The following FBXL20 variants were observed in gnomAD, a reference collection of about 807,000 sequenced individuals.
FBXL20 encodes the protein F-box/LRR-repeat protein 20.
A neutral mutation model predicts 64.0 loss-of-function variants in FBXL20; 11 were observed. The ratio of observed to expected loss-of-function variants is 0.17; its 90% CI spans 0.11 to 0.28. The LOEUF is 0.28. Among genes scored for constraint, FBXL20 ranks in the 10% least tolerant of loss-of-function variants. The pLI, the probability that FBXL20 is intolerant of heterozygous loss-of-function variation, is 1.00. For synonymous variants in FBXL20, 184 were observed against 189.0 expected (o/e 0.97, Z 0.22); for missense variants, 303 against 526.2 (o/e 0.58, Z 4.15).
intron 1 of FBXL20, among the ~76,000 whole-genome samples, chr17:39,377,991 G>A (rs73983289): frequency 2.0e-5 from 3 of 151,930 alleles, no homozygotes; most frequent in African/African-American, 7.3e-5. Flanking sequence ...TAGCCTGGGC[G>A]ACAGAGCAAG....
chr17:39,329,262 C>T (rs1236256136), intron 2 of FBXL20, among the ~76,000 whole-genome samples: 2 of 152,102 alleles, frequency 1.3e-5, no homozygotes, highest in East Asian at 1.9e-4. Flanking sequence ...GATATTCTAA[C>T]CCAAATCCAT....
At chr17:39,400,015 G>T (rs556851937) in intron 1 of FBXL20, among the ~76,000 whole-genome samples, 1 of 152,200 alleles carries the variant, frequency 6.6e-6, no homozygotes, top group Non-Finnish European at 1.5e-5. Context: ...CGGTACTACT[G>T]AATACGAAAC....
At chr17:39,387,523 G>A (rs1292697170) in intron 1 of FBXL20, among the ~76,000 whole-genome samples, 1 of 151,076 alleles carries the variant, frequency 6.6e-6, no homozygotes, top group Non-Finnish European at 1.5e-5. Context: ...AGGTGATCTG[G>A]CCGTCTCGGC....
intron 2 of FBXL20, among the ~76,000 whole-genome samples, chr17:39,337,318 T>C (rs1222604685): frequency 6.6e-5 from 10 of 152,018 alleles, no homozygotes; most frequent in Admixed American, 1.3e-4. Context: ...AGTGCAGTGG[T>C]GTGATCTCGG....
intron 6 of FBXL20, among the ~76,000 whole-genome samples, chr17:39,291,264 A>AT (rs958822536): frequency 1.3e-5 from 2 of 151,018 alleles, no homozygotes; most frequent in African/African-American, 2.4e-5. Flanking sequence ...CCGGCCACCT[A>AT]TTTTTTATTT....
intron 1 of FBXL20, among the ~76,000 whole-genome samples, chr17:39,355,858 A>AAAAG (rs1340227839): frequency 5.5e-5 from 8 of 145,764 alleles, no homozygotes; most frequent in East Asian, 2.0e-4. Context: ...TTCGTCTCAA[A>AAAAG]AAAAAAAAAA....
Position 39,401,438 on chromosome 17 carries a change from GC to G in FBXL20, c.-37del, listed in dbSNP as rs1192691338. 5.7e-6 allele frequency: 9 copies of G among 1,569,658 alleles called. No homozygotes were observed. The highest frequency in any genetic ancestry group is 7.8e-6 in the Non-Finnish European group (9 of 1,159,226). ...GGTGCGGCCCGGGCCGGGCGCTGCGGCGAGCGGAGTGCACAGACCGGGGGCC... is the reference window on the plus strand; with the variant it reads ...GGTGCGGCCCGGGCCGGGCGCTGCGGGAGCGGAGTGCACAGACCGGGGGCC... On this transcript the variant is annotated 5_prime_UTR_variant, in exon 1 of 15. Coordinates refer to ENST00000264658, the MANE Select transcript of FBXL20 (RefSeq NM_032875.3).
At chr17:39,278,431 C>T (rs925246558) in intron 9 of FBXL20, among the ~76,000 whole-genome samples, 1 of 151,890 alleles carries the variant, frequency 6.6e-6, no homozygotes, top group African/African-American at 2.4e-5. Flanking sequence ...TAGGCACGCG[C>T]GTGTGTGCAC....
In FBXL20 at chr17:39,297,159, C is replaced by T. The variant is rs1193847740; in HGVS notation, c.366G>A (p.Leu122=). The part of the protein sequence containing the change: ...FAQNCRNIEV[L]NLNGCTKTTD... The stretch of plus-strand genomic sequence containing the variant: ...TTGTCTTTGTACACCCATTTAGATT[C>T]AGTACTTCAATGTTCCTGCAGTTTT... The change falls in exon 6 of 15, where the codon CTG becomes CTA. Residue 122 remains leucine, a synonymous_variant. Transcript: ENST00000264658. The T allele has an allele frequency of 1.2e-6, 2 of 1,610,624 alleles. No homozygotes were observed. Among genetic ancestry groups the T allele is most frequent in the Non-Finnish European group, 1.7e-6 (2 of 1,177,904 alleles).
Position 39,293,141 on chromosome 17 carries a change from A to T in FBXL20, c.398+3986T>A, listed in dbSNP as rs565228983. Reference sequence around the variant, plus strand: ...GAGTGACAGATATTCTGTATGCCACATTGCTGGGTTTCTGGACTTTGATGT... The same window carrying T: ...GAGTGACAGATATTCTGTATGCCACTTTGCTGGGTTTCTGGACTTTGATGT... On this transcript the variant is annotated intron_variant, in intron 6 of 14. Coordinates refer to ENST00000264658, the MANE Select transcript of FBXL20 (RefSeq NM_032875.3). 3.3e-4 allele frequency among the ~76,000 whole-genome samples: 50 copies of T among 151,680 alleles called. No homozygotes were observed. The Middle Eastern group carries it at 0.014, about 42-fold the overall frequency.
intron 10 of FBXL20, 145 bp from the exon 11 acceptor site, chr17:39,271,001 C>T: frequency 1.5e-6 from 1 of 662,228 alleles, no homozygotes; most frequent in Non-Finnish European, 2.5e-6. Flanking sequence ...CTAAGCAAGT[C>T]TGTATACAGA....
intron 1 of FBXL20, among the ~76,000 whole-genome samples, chr17:39,394,606 C>G (rs1446585200): frequency 6.6e-6 from 1 of 151,074 alleles, no homozygotes. Context: ...ATTCTGTCTC[C>G]CAGGCTGAAG....
chr17:39,362,186 A>G (rs1394729278), intron 1 of FBXL20, among the ~76,000 whole-genome samples: 3 of 151,126 alleles, frequency 2.0e-5, no homozygotes, highest in East Asian at 2.0e-4. Context: ...CCAGCTACTC[A>G]GGAGGCTGAG....
At position 39,275,048 on chromosome 17, in the gene FBXL20, TG is replaced by T; in HGVS notation, c.748del (p.Gln250AsnfsTer16). 6.2e-7 allele frequency: 1 copy of T among 1,614,116 alleles called. No individual in the cohort carries two copies. Among genetic ancestry groups the T allele is most frequent in the Non-Finnish European group, 8.5e-7 (1 of 1,180,016 alleles). ...ITICRGCHKL[Q>X]SLCASGCSNI... Reference sequence around the variant, plus strand: ...GGAGCAGCCAGAGGCACAAAGGGATTGTAACTTATGGCACCCTCTGCATATA... The same window carrying T: ...GGAGCAGCCAGAGGCACAAAGGGATTTAACTTATGGCACCCTCTGCATATA... On this transcript the variant is annotated frameshift_variant, in exon 10 of 15. Coordinates refer to ENST00000264658, the MANE Select transcript of FBXL20 (RefSeq NM_032875.3). LOFTEE classifies it high-confidence loss of function.
intron 12 of FBXL20, among the ~76,000 whole-genome samples, chr17:39,267,326 G>A (rs1383955812): frequency 3.3e-5 from 5 of 151,838 alleles, no homozygotes; most frequent in African/African-American, 9.7e-5. Flanking sequence ...CAGTCTGAGC[G>A]ATAACAGCAA....
chr17:39,282,650 C>T (rs1685623306), intron 8 of FBXL20, 79 bp downstream of exon 8: 2 of 1,577,290 alleles, frequency 1.3e-6, no homozygotes, highest in African/African-American at 1.4e-5. Flanking sequence ...TCCAGACAAA[C>T]ATCTTGGGGC....
At chr17:39,275,821 GTGGA>G (rs2046885071) in intron 9 of FBXL20, among the ~76,000 whole-genome samples, 1 of 152,088 alleles carries the variant, frequency 6.6e-6, no homozygotes, top group African/African-American at 2.4e-5. Flanking sequence ...AAATTAAACT[GTGGA>G]TGACAGTTGC....
At chr17:39,354,387 T>C (rs560871308) in intron 1 of FBXL20, among the ~76,000 whole-genome samples, 9 of 152,332 alleles carry the variant, frequency 5.9e-5, no homozygotes, top group African/African-American at 2.2e-4. Flanking sequence ...TCGCACTTAC[T>C]ACCCATTCCA....
rs570051112 is a variant in FBXL20 at position 39,276,249 on chromosome 17, G to A, written c.697-1149C>T. On this transcript the variant is annotated intron_variant, in intron 9 of 14. Coordinates refer to ENST00000264658, the MANE Select transcript of FBXL20 (RefSeq NM_032875.3). ...AAAAAAAAAAAAAAAAAAAAGGGAC[G>A]GGAAGGGAAGGGAGGAAGAGAGGGA... is the stretch of plus-strand genomic sequence containing the variant. Among the ~76,000 whole-genome samples the A allele has an allele frequency of 6.9e-5, 10 of 144,794 alleles. No individual in the cohort carries two copies. The South Asian group carries it at 8.9e-4, about 13-fold the overall frequency. The allele number at this position is 144,794 out of a possible 152,430, so 95.0% of individuals were successfully genotyped here.
Sources: allele counts gnomAD v4.1 joint callset (sites outside exome capture counted in the v4.1 genomes callset), GRCh38; gene constraint gnomAD v4.1.1; transcripts MANE v1.5; gene names NCBI Gene and HGNC (gene_info 2026-07-23, HGNC 2026-07-21).